The following MYO18B variants were observed in gnomAD, a reference collection of about 807,000 sequenced individuals.
MYO18B encodes the protein myosin XVIIIB.
In MYO18B, 204 loss-of-function variants were observed where a neutral mutation model predicts 273.0. The observed-to-expected ratio is 0.75, with a 90% CI of 0.67 to 0.84. The LOEUF (loss-of-function observed/expected upper bound fraction) is 0.84, where lower values mean the gene tolerates loss of function less well. Ranked by LOEUF, MYO18B falls within the 40% of genes least tolerant of loss-of-function variation. The pLI is 0.00. For synonymous variants in MYO18B, 1,330 were observed against 1,305.7 expected (o/e 1.02, Z -0.40); for missense variants, 3,212 against 3,287.6 (o/e 0.98, Z 0.56).
intron 34 of MYO18B, among the ~76,000 whole-genome samples, chr22:25,932,293 C>G (rs2092514046): frequency 6.6e-6 from 1 of 152,064 alleles, no homozygotes; most frequent in African/African-American, 2.4e-5. Flanking sequence ...ACATGGTGCC[C>G]CTGTATCCTA....
intron 31 of MYO18B, among the ~76,000 whole-genome samples, chr22:25,906,078 T>A (rs2092036442): frequency 6.6e-6 from 1 of 152,218 alleles, no homozygotes; most frequent in South Asian, 2.1e-4. Context: ...CCATGCTCAG[T>A]TCACCCAGGA....
intron 39 of MYO18B, among the ~76,000 whole-genome samples, chr22:25,969,766 T>G (rs1464868822): frequency 1.3e-5 from 2 of 152,242 alleles, no homozygotes; most frequent in Non-Finnish European, 2.9e-5. Context: ...TGTGTGACTT[T>G]AGTCAAGGCA....
At chr22:25,905,081 T>A (rs1601534568) in intron 31 of MYO18B, among the ~76,000 whole-genome samples, 1 of 151,920 alleles carries the variant, frequency 6.6e-6, no homozygotes, top group South Asian at 2.1e-4. Context: ...GCCACCGTTA[T>A]GCGAGAAAAT....
intron 21 of MYO18B, among the ~76,000 whole-genome samples, chr22:25,866,782 C>T (rs2090900310): frequency 1.1e-5 from 1 of 89,888 alleles, no homozygotes; most frequent in African/African-American, 4.4e-5. Context: ...GAGACTCCGT[C>T]TCAAAAAAAA....
chr22:25,810,248 C>T (rs548267167), intron 12 of MYO18B, among the ~76,000 whole-genome samples: 81 of 151,214 alleles, frequency 5.4e-4, no homozygotes, highest in Admixed American at 4.3e-3. Flanking sequence ...CAGGCGCCCA[C>T]CACCATGCCC....
intron 8 of MYO18B, among the ~76,000 whole-genome samples, chr22:25,779,385 G>T (rs1434809420): frequency 2.0e-5 from 3 of 152,122 alleles, no homozygotes; most frequent in African/African-American, 7.2e-5. Context: ...CCCAAATCAG[G>T]TAACCAGGAA....
intron 42 of MYO18B, among the ~76,000 whole-genome samples, chr22:26,011,911 G>A (rs1465769257): frequency 6.6e-6 from 1 of 152,036 alleles, no homozygotes; most frequent in South Asian, 2.1e-4. Context: ...ACTGCTTTTC[G>A]TTTGGCTAAA....
rs757872637 is a variant in MYO18B, at chr22:25,992,362, G to A, written c.6157-1G>A. ...CGTGTGTTTGCATCTTCTGTCCCCA[G>A]GAGAAGTACGTGGAGGAACTTGCAG... is the stretch of plus-strand genomic sequence containing the variant. On this transcript the variant is annotated splice_acceptor_variant, in intron 39 of 43. Transcript: ENST00000335473. LOFTEE classifies it high-confidence loss of function. 1 of 1,613,848 alleles carries A rather than the reference G, an allele frequency of 6.2e-7. No homozygotes were observed. Among genetic ancestry groups the A allele is most frequent in the Non-Finnish European group, 8.5e-7 (1 of 1,179,742 alleles).
chr22:26,050,663 C>A, the MYO18B span, among the ~76,000 whole-genome samples: 120 of 152,284 alleles, frequency 7.9e-4, 1 homozygote, highest in African/African-American at 2.6e-3. Flanking sequence ...TTCTTGGTAA[C>A]TTTCTTAACC....
At chr22:25,869,024 G>C (rs915495615) in intron 22 of MYO18B, among the ~76,000 whole-genome samples, 1 of 152,144 alleles carries the variant, frequency 6.6e-6, no homozygotes, top group Non-Finnish European at 1.5e-5. Flanking sequence ...CCAGCCTTTT[G>C]TTTGTGTGGA....
chr22:25,958,847 G>A (rs899526238), intron 39 of MYO18B, among the ~76,000 whole-genome samples: 1 of 152,060 alleles, frequency 6.6e-6, no homozygotes, highest in Non-Finnish European at 1.5e-5. Flanking sequence ...TAAGATAAGG[G>A]GCAGCTTCTT....
intron 21 of MYO18B, among the ~76,000 whole-genome samples, chr22:25,852,428 G>C (rs2090452527): frequency 7.0e-6 from 1 of 143,794 alleles, no homozygotes; most frequent in African/African-American, 2.5e-5. Context: ...TGAATACCCA[G>C]ACCTAACTTT....
Position 25,768,932 on chromosome 22 carries a change from G to C in MYO18B, c.1016G>C (p.Gly339Ala), listed in dbSNP as rs755628746. 1.2e-6 allele frequency: 2 copies of C among 1,612,304 alleles called. No homozygotes were observed. Among genetic ancestry groups the C allele is most frequent in the African/African-American group, 2.7e-5 (2 of 74,908 alleles). ...DGPQNKKDKE[G>A]VLLSKAEKTG... ...CCCCAGAATAAGAAGGACAAAGAAGGGGTGCTCTTAAGTAAGGCAGAGAAG... is the reference window on the plus strand; with the variant it reads ...CCCCAGAATAAGAAGGACAAAGAAGCGGTGCTCTTAAGTAAGGCAGAGAAG... The change falls in exon 4 of 44, where the codon GGG becomes GCG. Residue 339 changes from glycine to alanine, a missense_variant. Physicochemically the swap from Gly to Ala is moderately conservative, Grantham distance 60 (BLOSUM62 0). Coordinates refer to ENST00000335473, the MANE Select transcript of MYO18B (RefSeq NM_032608.7).
chr22:26,014,028 C>A (rs954382750), intron 42 of MYO18B, among the ~76,000 whole-genome samples: 1 of 152,028 alleles, frequency 6.6e-6, no homozygotes, highest in African/African-American at 2.4e-5. Context: ...ATAATGTTTT[C>A]CTTTATGGTT....
chr22:25,967,677 C>T (rs1020184316), intron 39 of MYO18B, among the ~76,000 whole-genome samples: 2 of 152,090 alleles, frequency 1.3e-5, no homozygotes, highest in Non-Finnish European at 2.9e-5. Flanking sequence ...CTTTTAGTTG[C>T]AAGTGACGGA....
chr22:25,752,408 C>T (rs970880812), intron 1 of MYO18B, among the ~76,000 whole-genome samples: 1 of 151,390 alleles, frequency 6.6e-6, no homozygotes, highest in African/African-American at 2.4e-5. Context: ...GGGATGGTCT[C>T]GATCTCCTGA....
At chr22:26,060,574 C>T in the MYO18B span, among the ~76,000 whole-genome samples, 404 of 152,292 alleles carry the variant, frequency 2.7e-3, 3 homozygotes, top group African/African-American at 9.0e-3. Flanking sequence ...AGATTAAACA[C>T]ACACATACAC....
rs1240791731 is a variant in MYO18B, at chr22:25,969,992, T to TCACCACCAA, written c.6156+14632_6156+14640dup. Among the ~76,000 whole-genome samples the TCACCACCAA allele has an allele frequency of 8.5e-5, 13 of 152,080 alleles. No individual in the cohort carries two copies. The East Asian group carries it at 1.5e-3, about 18-fold the overall frequency. On this transcript the variant is annotated intron_variant, in intron 39 of 43. Transcript: ENST00000335473. ...ATCATCTTCTTCATCACCACCACCATCACCACCAACACATCATCTTTTCCA... is the reference window on the plus strand; with the variant it reads ...ATCATCTTCTTCATCACCACCACCATCACCACCAACACCACCAACACATCATCTTTTCCA...
intron 34 of MYO18B, among the ~76,000 whole-genome samples, chr22:25,930,491 G>A (rs529505767): frequency 2.6e-5 from 4 of 151,092 alleles, no homozygotes; most frequent in South Asian, 4.2e-4. Context: ...CTGCTGTCTC[G>A]GGGCTATTAC....
Sources: allele counts gnomAD v4.1 joint callset (sites outside exome capture counted in the v4.1 genomes callset), GRCh38; gene constraint gnomAD v4.1.1; transcripts MANE v1.5; gene names NCBI Gene and HGNC (gene_info 2026-07-23, HGNC 2026-07-21).